KRCC1: variants seen among roughly 807,000 people sequenced by gnomAD.
KRCC1 encodes lysine rich coiled-coil 1.
A neutral mutation model predicts 7.4 loss-of-function variants in KRCC1; 3 were observed. The observed-to-expected ratio is 0.40, with a 90% CI of 0.18 to 1.04. KRCC1 has a LOEUF of 1.04. KRCC1 is among the 50% of genes least tolerant of loss of function. The pLI, the probability that KRCC1 is intolerant of heterozygous loss-of-function variation, is 0.33. For synonymous variants in KRCC1, 102 were observed against 101.6 expected (o/e 1.00, Z -0.02); for missense variants, 277 against 300.9 (o/e 0.92, Z 0.59).
At chr2:88,029,121 G>A (rs932836630) in intron 3 of KRCC1, among the ~76,000 whole-genome samples, 7 of 152,278 alleles carry the variant, frequency 4.6e-5, no homozygotes, top group Admixed American at 2.0e-4. Flanking sequence ...GAAGTGAGAC[G>A]AAGAGGGCAG....
At chr2:88,052,190 T>C (rs1456377861) in intron 1 of KRCC1, among the ~76,000 whole-genome samples, 1 of 152,282 alleles carries the variant, frequency 6.6e-6, no homozygotes, top group Admixed American at 6.5e-5. Flanking sequence ...ATTTGCCAAA[T>C]TATTTTTTTC....
intron 1 of KRCC1, among the ~76,000 whole-genome samples, chr2:88,048,141 G>T (rs1482744955): frequency 6.6e-6 from 1 of 151,018 alleles, no homozygotes; most frequent in African/African-American, 2.4e-5. Flanking sequence ...GGGGTGCAGT[G>T]GTGGGATCTC....
At chr2:88,038,842 C>G (rs1022280224) in intron 1 of KRCC1, among the ~76,000 whole-genome samples, 3 of 152,072 alleles carry the variant, frequency 2.0e-5, no homozygotes, top group African/African-American at 7.2e-5. Flanking sequence ...GAAACTGCCC[C>G]CGATTCAATT....
chr2:88,036,685 G>T (rs1447900595), intron 2 of KRCC1, among the ~76,000 whole-genome samples: 2 of 152,042 alleles, frequency 1.3e-5, no homozygotes, highest in Non-Finnish European at 2.9e-5. Context: ...TTTACCACAA[G>T]AACTGATACA....
intron 1 of KRCC1, among the ~76,000 whole-genome samples, chr2:88,052,395 C>T (rs1044302885): frequency 1.6e-4 from 25 of 152,188 alleles, no homozygotes; most frequent in Admixed American, 3.3e-4. Context: ...AAGCACTGTG[C>T]ATGTACCTAA....
intron 1 of KRCC1, among the ~76,000 whole-genome samples, chr2:88,040,085 CTAGT>C (rs1673175784): frequency 6.6e-6 from 1 of 151,438 alleles, no homozygotes. Flanking sequence ...TTACTGAGGA[CTAGT>C]TATTTAGAAG....
intron 1 of KRCC1, among the ~76,000 whole-genome samples, chr2:88,039,013 T>C (rs1486679767): frequency 6.6e-6 from 1 of 152,172 alleles, no homozygotes; most frequent in African/African-American, 2.4e-5. Flanking sequence ...ACTGCCTGTA[T>C]CCTTGAAATA....
chr2:88,053,488 G>C (rs906798082), intron 1 of KRCC1, among the ~76,000 whole-genome samples: 24 of 152,168 alleles, frequency 1.6e-4, no homozygotes, highest in Non-Finnish European at 3.5e-4. Flanking sequence ...CTGAATTGTA[G>C]TCTTTTAACT....
intron 1 of KRCC1, among the ~76,000 whole-genome samples, chr2:88,043,600 T>C (rs1050238557): frequency 2.6e-5 from 4 of 152,266 alleles, no homozygotes; most frequent in Admixed American, 2.0e-4. Context: ...GACCTATTAA[T>C]AACCTGTCCT....
Position 88,027,752 on chromosome 2 carries a change from A to G in KRCC1, c.*32T>C, listed in dbSNP as rs374890139. On this transcript the variant is annotated 3_prime_UTR_variant, in exon 4 of 4. Coordinates refer to ENST00000347055, the MANE Select transcript of KRCC1 (RefSeq NM_016618.3). ...AACCAAGCTCTCACCTATTTTTTCA[A>G]TTTAACTTTGGGAGAACCAACTTTG... 22 of 1,538,468 alleles carry G rather than the reference A, an allele frequency of 1.4e-5. No individual in the cohort carries two copies. The African/African-American group carries it at 3.1e-4, about 21-fold the overall frequency.
intron 3 of KRCC1, among the ~76,000 whole-genome samples, chr2:88,033,109 T>C (rs759743081): frequency 6.6e-6 from 1 of 152,202 alleles, no homozygotes; most frequent in Non-Finnish European, 1.5e-5. Context: ...GGTATGTCCA[T>C]TATCTTGATT....
At chr2:88,033,885 T>C (rs1673041892) in intron 3 of KRCC1, among the ~76,000 whole-genome samples, 1 of 152,190 alleles carries the variant, frequency 6.6e-6, no homozygotes, top group Admixed American at 6.5e-5. Context: ...TGTAAACAAA[T>C]GTTCACAGCA....
chr2:88,040,513 C>G (rs1319064955), intron 1 of KRCC1, among the ~76,000 whole-genome samples: 2 of 152,164 alleles, frequency 1.3e-5, no homozygotes, highest in Non-Finnish European at 2.9e-5. Flanking sequence ...GTATGCCAAA[C>G]AACAGATTAT....
intron 1 of KRCC1, among the ~76,000 whole-genome samples, chr2:88,055,250 G>C (rs1455768434): frequency 6.6e-6 from 1 of 152,046 alleles, no homozygotes; most frequent in African/African-American, 2.4e-5. Context: ...TCTCTTCCAC[G>C]TTTGGGCTTT....
chr2:88,034,315 T>A (rs1573075990), intron 2 of KRCC1, 23 bp from the exon 3 acceptor site: 1 of 152,508 alleles, frequency 6.6e-6, no homozygotes, highest in Non-Finnish European at 1.5e-5. Flanking sequence ...ACAATCTTGT[T>A]ACAAAGATTA....
chr2:88,052,971 G>C (rs1230489726), intron 1 of KRCC1, among the ~76,000 whole-genome samples: 1 of 152,152 alleles, frequency 6.6e-6, no homozygotes, highest in Non-Finnish European at 1.5e-5. Context: ...TTGTGACTGT[G>C]ATTTTGAGGA....
Position 88,027,805 on chromosome 2 carries a change from G to C in KRCC1, c.759C>G (p.Asp253Glu). The change falls in exon 4 of 4, where the codon GAC becomes GAG. Residue 253 changes from aspartate to glutamate, a missense_variant. Transcript: ENST00000347055. ...QERTEEEMLW[D>E]QSILGF Reference sequence around the variant, plus strand: ...AGCTTCAAAATCCAAGAATAGACTGGTCCCAAAGCATTTCCTCCTCTGTCC... The same window carrying C: ...AGCTTCAAAATCCAAGAATAGACTGCTCCCAAAGCATTTCCTCCTCTGTCC... 6.3e-7 allele frequency: 1 copy of C among 1,593,296 alleles called. No individual in the cohort carries two copies. The highest frequency in any genetic ancestry group is 8.5e-7 in the Non-Finnish European group (1 of 1,174,676).
In KRCC1 at chr2:88,030,791, G is replaced by C. The variant is rs148999377; in HGVS notation, c.-22-2206C>G. 1.6e-3 allele frequency among the ~76,000 whole-genome samples: 239 copies of C among 152,286 alleles called. 1 individual carries two copies. Among genetic ancestry groups the C allele is most frequent in the African/African-American group, 3.5e-3 (145 of 41,560 alleles). ...ATATGATGCAGTTATTCTACTTCTA[G>C]GTATTTCCTTAAAGGAAAAGGAGAT... On this transcript the variant is annotated intron_variant, in intron 3 of 3. Transcript: ENST00000347055.
chr2:88,038,885 A>T (rs1284200479), intron 1 of KRCC1, among the ~76,000 whole-genome samples: 2 of 152,126 alleles, frequency 1.3e-5, no homozygotes, highest in Non-Finnish European at 2.9e-5. Context: ...ACATGTGGAG[A>T]TTATGGGGAT....
Sources: allele counts gnomAD v4.1 joint callset (sites outside exome capture counted in the v4.1 genomes callset), GRCh38; gene constraint gnomAD v4.1.1; transcripts MANE v1.5; gene names NCBI Gene and HGNC (gene_info 2026-07-23, HGNC 2026-07-21).